Variants in GRIK2 observed in about 807,000 individuals in gnomAD.
GRIK2 encodes glutamate receptor ionotropic, kainate 2.
A neutral mutation model predicts 100.3 loss-of-function variants in GRIK2; 32 were observed. That is an observed-to-expected ratio of 0.32 (90% confidence interval 0.24 to 0.43). The LOEUF (loss-of-function observed/expected upper bound fraction) is 0.43. GRIK2 is among the 20% of genes least tolerant of loss of function. The probability of loss-of-function intolerance (pLI) is 1.00; values close to 1 mark genes in which losing one functional copy is unlikely to be tolerated. For missense variants in GRIK2, 843 were observed against 1,114.9 expected (o/e 0.76, Z 3.47); for synonymous variants, 417 against 389.4 (o/e 1.07, Z -0.83).
chr6:101,806,871 C>T (rs1166448216), intron 9 of GRIK2, among the ~76,000 whole-genome samples: 1 of 151,572 alleles, frequency 6.6e-6, no homozygotes, highest in Admixed American at 6.6e-5. Flanking sequence ...TATCAAAGTA[C>T]ACAATTATTT....
chr6:101,728,358 A>T (rs1775018928), intron 7 of GRIK2, among the ~76,000 whole-genome samples: 1 of 152,110 alleles, frequency 6.6e-6, no homozygotes. Flanking sequence ...AAATTCTATC[A>T]GTAACACTGC....
intron 7 of GRIK2, among the ~76,000 whole-genome samples, chr6:101,718,771 T>C (rs1225019456): frequency 6.6e-6 from 1 of 151,934 alleles, no homozygotes; most frequent in African/African-American, 2.4e-5. Context: ...GGGTTTGTCC[T>C]GTTGTGTTCT....
At chr6:101,853,561 T>C (rs1349217396) in intron 10 of GRIK2, among the ~76,000 whole-genome samples, 1 of 152,186 alleles carries the variant, frequency 6.6e-6, no homozygotes, top group Non-Finnish European at 1.5e-5. Context: ...ACTCTTACCA[T>C]ATGATCTTGC....
At chr6:101,412,118 A>G (rs1021590122) in intron 2 of GRIK2, among the ~76,000 whole-genome samples, 1 of 151,966 alleles carries the variant, frequency 6.6e-6, no homozygotes, top group Non-Finnish European at 1.5e-5. Flanking sequence ...TGGCACCCCC[A>G]TTCCCATCCC....
At chr6:101,935,342 T>A (rs1414934650) in intron 14 of GRIK2, among the ~76,000 whole-genome samples, 2 of 151,958 alleles carry the variant, frequency 1.3e-5, no homozygotes, top group Non-Finnish European at 2.9e-5. Flanking sequence ...GGGAGTCTTT[T>A]CCCTTTTGAG....
intron 2 of GRIK2, among the ~76,000 whole-genome samples, chr6:101,616,941 T>A (rs1469011235): frequency 6.6e-6 from 1 of 151,718 alleles, no homozygotes; most frequent in African/African-American, 2.4e-5. Context: ...TGGAGTTGTG[T>A]TTTCAGTAGC....
At chr6:101,397,927 T>A (rs927451478) in intron 1 of GRIK2, among the ~76,000 whole-genome samples, 3 of 152,038 alleles carry the variant, frequency 2.0e-5, no homozygotes, top group African/African-American at 4.8e-5. Context: ...ATTAAAATTG[T>A]ATATTTTTAA....
chr6:101,413,175 G>A (rs780880094), intron 2 of GRIK2, among the ~76,000 whole-genome samples: 77 of 151,942 alleles, frequency 5.1e-4, no homozygotes, highest in Non-Finnish European at 1.6e-4. Flanking sequence ...GACTAAACTT[G>A]GCTACAAAAA....
chr6:101,895,099 T>G (rs1045065670), intron 12 of GRIK2, among the ~76,000 whole-genome samples: 1 of 151,754 alleles, frequency 6.6e-6, no homozygotes, highest in Non-Finnish European at 1.5e-5. Flanking sequence ...GCTATTTAAA[T>G]GAACAAATGA....
intron 7 of GRIK2, among the ~76,000 whole-genome samples, chr6:101,760,759 T>C (rs567076571): frequency 1.6e-4 from 20 of 124,846 alleles, no homozygotes; most frequent in Non-Finnish European, 1.6e-4. Flanking sequence ...TATATAATTA[T>C]ATATAAATCA....
chr6:101,671,646 G>A (rs528742407), intron 4 of GRIK2, among the ~76,000 whole-genome samples: 9 of 152,150 alleles, frequency 5.9e-5, no homozygotes, highest in Non-Finnish European at 1.0e-4. Flanking sequence ...CGGGTGGATC[G>A]TGAGGTCAGG....
intron 7 of GRIK2, among the ~76,000 whole-genome samples, chr6:101,723,766 T>C (rs1435933066): frequency 6.6e-6 from 1 of 152,034 alleles, no homozygotes; most frequent in Non-Finnish European, 1.5e-5. Context: ...ATTCAAAATA[T>C]GACTTCACTG....
At chr6:101,857,606 G>A (rs1784494490) in intron 10 of GRIK2, among the ~76,000 whole-genome samples, 1 of 152,166 alleles carries the variant, frequency 6.6e-6, no homozygotes, top group South Asian at 2.1e-4. Flanking sequence ...TGGCATGGGA[G>A]TATCCTAACT....
intron 14 of GRIK2, among the ~76,000 whole-genome samples, chr6:101,972,919 A>AT (rs1769464385): frequency 6.6e-6 from 1 of 151,828 alleles, no homozygotes; most frequent in Non-Finnish European, 1.5e-5. Flanking sequence ...CTATTTTTGT[A>AT]TCAGTACCAT....
chr6:101,811,993 A>G (rs1321263162), intron 9 of GRIK2, among the ~76,000 whole-genome samples: 2 of 151,546 alleles, frequency 1.3e-5, no homozygotes, highest in Admixed American at 1.3e-4. Context: ...CACATTCCTG[A>G]AAAACAAAAC....
chr6:101,450,384 C>G (rs190338464), intron 2 of GRIK2, among the ~76,000 whole-genome samples: 2 of 151,552 alleles, frequency 1.3e-5, no homozygotes, highest in African/African-American at 4.8e-5. Context: ...GCATTGATCT[C>G]TTTGTTACTA....
At chr6:101,518,879 G>A (rs1337172044) in intron 2 of GRIK2, among the ~76,000 whole-genome samples, 2 of 152,016 alleles carry the variant, frequency 1.3e-5, no homozygotes, top group Admixed American at 6.6e-5. Context: ...CCCCTTAAAG[G>A]GTGGAAAAAG....
intron 9 of GRIK2, among the ~76,000 whole-genome samples, chr6:101,802,908 C>T (rs1471226639): frequency 6.6e-6 from 1 of 151,764 alleles, no homozygotes; most frequent in African/African-American, 2.4e-5. Flanking sequence ...AGGGTATATA[C>T]ATAAATGTAA....
intron 12 of GRIK2, among the ~76,000 whole-genome samples, chr6:101,909,382 C>A: frequency 7.9e-6 from 1 of 126,448 alleles, no homozygotes; most frequent in African/African-American, 3.0e-5. Flanking sequence ...TTTTCTTTTT[C>A]TTTTTTTTTT....
Sources: gnomAD v4.1 joint callset for allele counts (sites outside exome capture counted in the v4.1 genomes callset) on GRCh38, gnomAD v4.1.1 for gene constraint, MANE v1.5 for transcripts, NCBI Gene and HGNC (gene_info 2026-07-23, HGNC 2026-07-21) for gene names.